Variants in FTO observed in about 807,000 individuals in gnomAD.
FTO encodes FTO alpha-ketoglutarate dependent dioxygenase, also known as alpha-ketoglutarate-dependent dioxygenase FTO.
FTO carries 47 observed loss-of-function variants against 63.9 expected under a neutral mutation model. That is an observed-to-expected ratio of 0.74 (90% CI 0.58 to 0.94). The LOEUF (loss-of-function observed/expected upper bound fraction) is 0.94, where lower values mean the gene tolerates loss of function less well. Ranked by LOEUF, FTO falls within the 40% of genes least tolerant of loss-of-function variation. FTO has a pLI of 0.00. For missense variants in FTO, 562 were observed against 618.1 expected, an observed-to-expected ratio of 0.91 and a Z score of 0.96; for synonymous variants, 207 against 224.4, an observed-to-expected ratio of 0.92 and a Z score of 0.69.
chr16:53,838,636 G>A (rs2079376279), intron 3 of FTO, among the ~76,000 whole-genome samples: 1 of 152,086 alleles, frequency 6.6e-6, no homozygotes, highest in South Asian at 2.1e-4. Context: ...CTTAGCTCTT[G>A]GCTAAGGAAA....
chr16:54,023,217 G>A (rs545673272), intron 8 of FTO, among the ~76,000 whole-genome samples: 32 of 152,236 alleles, frequency 2.1e-4, no homozygotes, highest in African/African-American at 7.7e-4. Context: ...TGCTTGAGTG[G>A]GTTTTGTATG....
At chr16:53,704,030 C>T, upstream of FTO, 1 of 822,412 alleles carries the variant, frequency 1.2e-6, no homozygotes, top group Non-Finnish European at 2.0e-6. Context: ...TCGCGGGTGT[C>T]GCCGCGGTGC....
At chr16:53,968,810 T>C (rs1413428847) in intron 8 of FTO, among the ~76,000 whole-genome samples, 1 of 152,232 alleles carries the variant, frequency 6.6e-6, no homozygotes, top group Non-Finnish European at 1.5e-5. Flanking sequence ...CCTGGTGGGA[T>C]GTTTTCAATA....
chr16:53,717,803 CTTAT>C, intron 1 of FTO, among the ~76,000 whole-genome samples: 1 of 152,018 alleles, frequency 6.6e-6, no homozygotes, highest in Non-Finnish European at 1.5e-5. Context: ...CATTTATTGA[CTTAT>C]CTTTTACGTA....
chr16:53,716,558 G>A lies in FTO; in HGVS notation c.45+12329G>A, dbSNP rs546401391. Among the ~76,000 whole-genome samples, 151 of 152,060 alleles carry A rather than the reference G, an allele frequency of 9.9e-4. 3 individuals are homozygous for A. In the South Asian group the frequency reaches 0.02, roughly 20 times the overall value. ...GATTAAATGATTTAATATATGTAAAGCATTTAGAATATTGTTGGGGTAAGT... is the reference window on the plus strand; with the variant it reads ...GATTAAATGATTTAATATATGTAAAACATTTAGAATATTGTTGGGGTAAGT... On this transcript the variant is annotated intron_variant, in intron 1 of 8. Transcript: ENST00000471389.
chr16:53,967,227 TC>T (rs2083216403), intron 8 of FTO, among the ~76,000 whole-genome samples: 1 of 152,080 alleles, frequency 6.6e-6, no homozygotes, highest in South Asian at 2.1e-4. Context: ...CTCCTGCTTG[TC>T]CCTTTATTTC....
chr16:53,970,031 C>T (rs79678151), intron 8 of FTO, among the ~76,000 whole-genome samples: 1,549 of 152,178 alleles, frequency 0.01, 36 homozygotes, highest in African/African-American at 0.036. Flanking sequence ...GCATGTCCAA[C>T]GGAGGAGGCG....
At chr16:53,916,809 T>G (rs979258224) in intron 7 of FTO, among the ~76,000 whole-genome samples, 5 of 152,242 alleles carry the variant, frequency 3.3e-5, no homozygotes, top group African/African-American at 1.2e-4. Flanking sequence ...AATCATTATT[T>G]TCACCCTTGA....
intron 1 of FTO, among the ~76,000 whole-genome samples, chr16:53,776,221 G>A (rs2077455779): frequency 1.3e-5 from 2 of 152,170 alleles, no homozygotes; most frequent in South Asian, 4.1e-4. Context: ...TGAGCTCCAT[G>A]TCCATACCAC....
intron 1 of FTO, among the ~76,000 whole-genome samples, chr16:53,785,992 A>G (rs1301059886): frequency 6.6e-6 from 1 of 151,992 alleles, no homozygotes; most frequent in East Asian, 1.9e-4. Context: ...TTAAGAAGGT[A>G]AAAGTTTTTA....
chr16:54,109,538 C>T (rs1022829189), intron 8 of FTO, among the ~76,000 whole-genome samples: 7 of 152,128 alleles, frequency 4.6e-5, no homozygotes, highest in Non-Finnish European at 8.8e-5. Flanking sequence ...CGCCACATTG[C>T]CCAGGCTGGT....
intron 1 of FTO, among the ~76,000 whole-genome samples, chr16:53,777,372 C>T (rs1347760661): frequency 6.6e-6 from 1 of 152,124 alleles, no homozygotes; most frequent in Non-Finnish European, 1.5e-5. Flanking sequence ...TCACAGATGA[C>T]AGAATTTCCT....
At chr16:54,108,311 A>G (rs1371771896) in intron 8 of FTO, among the ~76,000 whole-genome samples, 3 of 152,202 alleles carry the variant, frequency 2.0e-5, no homozygotes, top group African/African-American at 7.2e-5. Flanking sequence ...CCAGACGACA[A>G]TGCCTTTTAT....
chr16:53,856,373 G>GTTTAA (rs879753687), intron 4 of FTO, among the ~76,000 whole-genome samples: 10,209 of 149,528 alleles, frequency 0.068, 751 homozygotes, highest in African/African-American at 0.17. Context: ...TTTTTTGGGG[G>GTTTAA]GGGATATTTA....
intron 6 of FTO, among the ~76,000 whole-genome samples, chr16:53,884,290 A>T (rs2080939472): frequency 6.6e-6 from 1 of 152,238 alleles, no homozygotes; most frequent in South Asian, 2.1e-4. Context: ...TAAAGATAGT[A>T]AAATGTGGAA....
intron 8 of FTO, among the ~76,000 whole-genome samples, chr16:53,955,321 G>C (rs2082903697): frequency 6.6e-6 from 1 of 152,182 alleles, no homozygotes; most frequent in South Asian, 2.1e-4. Flanking sequence ...TTACAGTCTA[G>C]TGGCAGGAGG....
At chr16:53,910,883 A>G (rs2081674292) in intron 7 of FTO, among the ~76,000 whole-genome samples, 1 of 152,188 alleles carries the variant, frequency 6.6e-6, no homozygotes, top group Non-Finnish European at 1.5e-5. Flanking sequence ...AGTCTGGATG[A>G]CAGAGCTGAG....
intron 1 of FTO, among the ~76,000 whole-genome samples, chr16:53,728,924 GT>G (rs1010733802): frequency 2.3e-4 from 33 of 145,044 alleles, no homozygotes; most frequent in Admixed American, 2.8e-4. Flanking sequence ...ATCATGACTG[GT>G]TTTTTTTTTT....
intron 7 of FTO, among the ~76,000 whole-genome samples, chr16:53,905,685 A>G (rs996018330): frequency 6.6e-6 from 1 of 152,224 alleles, no homozygotes; most frequent in African/African-American, 2.4e-5. Context: ...ACTGTCCGAA[A>G]TTATGTTTTA....
Sources: allele counts gnomAD v4.1 joint callset (sites outside exome capture counted in the v4.1 genomes callset), GRCh38; gene constraint gnomAD v4.1.1; transcripts MANE v1.5; gene names NCBI Gene and HGNC (gene_info 2026-07-23, HGNC 2026-07-21).